The following RBFOX1 variants were observed in gnomAD, a reference collection of about 807,000 sequenced individuals.
RBFOX1 encodes the protein RNA binding protein fox-1 homolog 1.
In RBFOX1, 8 loss-of-function variants were observed where a neutral mutation model predicts 57.7. The observed-to-expected ratio is 0.14, with a 90% CI of 0.08 to 0.25. RBFOX1 has a LOEUF of 0.25. Among genes scored for constraint, RBFOX1 ranks in the 10% least tolerant of loss-of-function variants. RBFOX1 has a pLI of 1.00. For missense variants in RBFOX1, 611 were observed against 548.5 expected (o/e 1.11, Z -1.14); for synonymous variants, 326 against 222.4 (o/e 1.47, Z -4.15).
At chr16:6,317,132 C>G (rs2081208949) in intron 2 of RBFOX1, 75 bp downstream of exon 2, 1 of 1,379,380 alleles carries the variant, frequency 7.2e-7, no homozygotes, top group Non-Finnish European at 9.9e-7. Context: ...CTGAAAAGCT[C>G]TTTTCTGCAG....
At chr16:6,476,110 G>A (rs1366753155) in intron 2 of RBFOX1, among the ~76,000 whole-genome samples, 4 of 152,156 alleles carry the variant, frequency 2.6e-5, no homozygotes, top group Non-Finnish European at 5.9e-5. Flanking sequence ...GTCAGTCATC[G>A]ACACTCACAT....
intron 2 of RBFOX1, among the ~76,000 whole-genome samples, chr16:5,522,125 C>T (rs1386058): frequency 0.66 from 100,514 of 152,210 alleles, 33,514 homozygotes; most frequent in East Asian, 0.88. Flanking sequence ...CATGCTCCTT[C>T]ATTCACTTTT....
chr16:7,654,364 G>C (rs2065813114), intron 12 of RBFOX1, among the ~76,000 whole-genome samples: 1 of 152,090 alleles, frequency 6.6e-6, no homozygotes, highest in South Asian at 2.1e-4. Flanking sequence ...GGGTCGTCTT[G>C]CTCGCCTCCC....
intron 3 of RBFOX1, among the ~76,000 whole-genome samples, chr16:6,954,755 G>T (rs2081416908): frequency 6.6e-6 from 1 of 152,068 alleles, no homozygotes; most frequent in African/African-American, 2.4e-5. Flanking sequence ...CCCTCCAGAG[G>T]ATCTTAAATC....
At chr16:6,421,730 G>C (rs12931343) in intron 2 of RBFOX1, among the ~76,000 whole-genome samples, 63,061 of 151,848 alleles carry the variant, frequency 0.42, 14,180 homozygotes, top group Non-Finnish European at 0.49. Context: ...CATCGTGAAG[G>C]GGCTTCTCCA....
At chr16:6,949,559 G>C in intron 3 of RBFOX1, among the ~76,000 whole-genome samples, 1 of 137,676 alleles carries the variant, frequency 7.3e-6, no homozygotes, top group East Asian at 2.0e-4. Flanking sequence ...GACGATCTTC[G>C]GGGTGTGTCC....
rs188977194 is a variant in RBFOX1 at position 5,337,405 on chromosome 16, A to G, written c.219+97300A>G. ...TTCTGATTTCATACTTTATATTCAG[A>G]CAAGGTGATTTGTTTAGTGTATGAA... On this transcript the variant is annotated intron_variant, in intron 1 of 2. Transcript: ENST00000585867. 3.3e-5 allele frequency among the ~76,000 whole-genome samples: 5 copies of G among 152,304 alleles called. No homozygotes were observed. The East Asian group carries it at 9.6e-4, about 29-fold the overall frequency.
Position 6,019,446 on chromosome 16 carries a change from G to A in RBFOX1, c.-673G>A, listed in dbSNP as rs2095025952. On this transcript the variant is annotated 5_prime_UTR_variant, in exon 1 of 16. Coordinates refer to ENST00000550418, the MANE Select transcript of RBFOX1 (RefSeq NM_018723.4). The surrounding 1 kb of genome is among the most constrained non-coding windows in gnomAD (Gnocchi z 4.2). ...CGGAGCCCAGGGGCCGCGTCGGGTG[G>A]GGAAACCCGAACTCGCGGAGGGGAA... 1 of 990,516 alleles carries A rather than the reference G, an allele frequency of 1.0e-6. No individual in the cohort carries two copies. The highest frequency in any genetic ancestry group is 1.2e-6 in the Non-Finnish European group (1 of 833,604). The allele number at this position is 990,516 out of a possible 1,614,324, so 61.4% of individuals were successfully genotyped here.
intron 3 of RBFOX1, among the ~76,000 whole-genome samples, chr16:6,852,251 C>T (rs906606299): frequency 2.0e-5 from 3 of 152,166 alleles, no homozygotes; most frequent in African/African-American, 7.2e-5. Context: ...TGACTGCAGT[C>T]TCTGCCTCTG....
chr16:5,594,435 AC>A (rs1057062028), intron 2 of RBFOX1, among the ~76,000 whole-genome samples: 1 of 120,602 alleles, frequency 8.3e-6, no homozygotes, highest in African/African-American at 2.9e-5. Context: ...GGAGGTCCTG[AC>A]GACATCTGCC....
chr16:5,486,819 C>G lies in RBFOX1; in HGVS notation c.258+19565C>G, dbSNP rs116569453. 1.9e-3 allele frequency among the ~76,000 whole-genome samples: 280 copies of G among 150,870 alleles called. 2 individuals are homozygous for G. Among genetic ancestry groups the G allele is most frequent in the African/African-American group, 6.6e-3 (271 of 41,024 alleles). On this transcript the variant is annotated intron_variant, in intron 2 of 2. Transcript: ENST00000585867. ...TTTTTTTCTTTTAACTTAAATTTTT[C>G]TTTAATACCTTGCTGGAGATTTAAG...
chr16:5,952,024 C>T (rs962717185), intron 4 of RBFOX1, among the ~76,000 whole-genome samples: 3 of 150,820 alleles, frequency 2.0e-5, no homozygotes, highest in African/African-American at 7.3e-5. Flanking sequence ...TATGCACACA[C>T]ACACATATAT....
At chr16:5,715,108 C>A (rs2051642248) in intron 3 of RBFOX1, among the ~76,000 whole-genome samples, 1 of 152,220 alleles carries the variant, frequency 6.6e-6, no homozygotes, top group South Asian at 2.1e-4. Context: ...ATGCTCAGTA[C>A]CTTACATTTA....
chr16:7,668,671 C>CAA, intron 13 of RBFOX1, among the ~76,000 whole-genome samples: 1 of 151,966 alleles, frequency 6.6e-6, no homozygotes, highest in East Asian at 1.9e-4. Context: ...AACACACACA[C>CAA]ACACACACAC....
At chr16:5,554,925 G>T (rs1331752219) in intron 2 of RBFOX1, among the ~76,000 whole-genome samples, 3 of 152,232 alleles carry the variant, frequency 2.0e-5, no homozygotes, top group Non-Finnish European at 4.4e-5. Flanking sequence ...ACCACTTTCT[G>T]ATTCAAGGGC....
At chr16:7,242,308 A>G (rs1433660404) in intron 4 of RBFOX1, among the ~76,000 whole-genome samples, 1 of 152,194 alleles carries the variant, frequency 6.6e-6, no homozygotes, top group Non-Finnish European at 1.5e-5. Flanking sequence ...GGAAAAATAA[A>G]TAATAGGCAT....
intron 3 of RBFOX1, among the ~76,000 whole-genome samples, chr16:6,900,149 T>C (rs753444131): frequency 1.3e-4 from 20 of 152,140 alleles, no homozygotes; most frequent in South Asian, 6.2e-4. Flanking sequence ...CTGGTGGTGG[T>C]GGTGGTGGTA....
chr16:7,037,779 G>T (rs897851779), intron 3 of RBFOX1, among the ~76,000 whole-genome samples: 5 of 152,160 alleles, frequency 3.3e-5, no homozygotes, highest in African/African-American at 1.2e-4. Flanking sequence ...AACCTTGGAA[G>T]TCTGGCTTTC....
chr16:5,243,420 A>G (rs1253976719), intron 1 of RBFOX1, among the ~76,000 whole-genome samples: 1 of 152,060 alleles, frequency 6.6e-6, no homozygotes, highest in Non-Finnish European at 1.5e-5. Flanking sequence ...CGTTGCAGGT[A>G]TTTTCCTTCT....
Sources: allele counts gnomAD v4.1 joint callset (sites outside exome capture counted in the v4.1 genomes callset), GRCh38; gene constraint gnomAD v4.1.1; non-coding constraint Gnocchi (gnomAD v3.1); transcripts MANE v1.5; gene names NCBI Gene and HGNC (gene_info 2026-07-23, HGNC 2026-07-21).